PPFIBP2: variants seen among roughly 807,000 people sequenced by gnomAD.
PPFIBP2 encodes the protein PPFIB scaffold protein 2.
PPFIBP2 carries 118 observed loss-of-function variants against 118.3 expected under a neutral mutation model. The observed-to-expected ratio is 1.00, with a 90% CI of 0.86 to 1.16. The LOEUF (loss-of-function observed/expected upper bound fraction) is 1.16. PPFIBP2 is among the 50% of genes most tolerant of loss of function. The probability of loss-of-function intolerance (pLI) is 0.00; values close to 1 mark genes in which losing one functional copy is unlikely to be tolerated. For synonymous variants in PPFIBP2, 414 were observed against 397.4 expected (o/e 1.04, Z -0.50); for missense variants, 1,195 against 1,073.1 (o/e 1.11, Z -1.59).
At chr11:7,586,253 A>G (rs1331644784) in intron 3 of PPFIBP2, among the ~76,000 whole-genome samples, 2 of 152,196 alleles carry the variant, frequency 1.3e-5, no homozygotes, top group East Asian at 1.9e-4. Context: ...CTGATCAGAA[A>G]TATTGCCCCT....
intron 3 of PPFIBP2, among the ~76,000 whole-genome samples, chr11:7,584,878 CAGCT>C (rs1164902280): frequency 2.0e-5 from 3 of 152,316 alleles, no homozygotes; most frequent in Middle Eastern, 3.4e-3. Context: ...CTGTGCCTGG[CAGCT>C]ATGGTTCACT....
intron 1 of PPFIBP2, among the ~76,000 whole-genome samples, chr11:7,525,907 T>C (rs543098022): frequency 5.3e-5 from 8 of 152,222 alleles, no homozygotes; most frequent in Non-Finnish European, 1.2e-4. Flanking sequence ...CAGGAAGATA[T>C]AGGGGAATGA....
At chr11:7,609,923 G>A (rs915143014) in intron 5 of PPFIBP2, among the ~76,000 whole-genome samples, 5 of 152,116 alleles carry the variant, frequency 3.3e-5, no homozygotes, top group Admixed American at 1.3e-4. Context: ...AAAATATATT[G>A]TTAACTTAAG....
chr11:7,625,062 T>C (rs963666608), intron 7 of PPFIBP2, among the ~76,000 whole-genome samples: 14 of 152,234 alleles, frequency 9.2e-5, no homozygotes, highest in African/African-American at 3.4e-4. Flanking sequence ...ATGGGAACCA[T>C]CTAGTGCAGC....
At chr11:7,551,319 T>G (rs866061029) in intron 2 of PPFIBP2, among the ~76,000 whole-genome samples, 78 of 152,324 alleles carry the variant, frequency 5.1e-4, no homozygotes, top group African/African-American at 1.9e-3. Flanking sequence ...AGCGAGTCCC[T>G]GGCAGACCTC....
intron 1 of PPFIBP2, among the ~76,000 whole-genome samples, chr11:7,537,265 T>G (rs1851310285): frequency 6.6e-6 from 1 of 152,226 alleles, no homozygotes; most frequent in African/African-American, 2.4e-5. Flanking sequence ...AAAACAGGGC[T>G]GATAATTGTA....
intron 6 of PPFIBP2, among the ~76,000 whole-genome samples, chr11:7,615,478 CAGAGGGATGAAAAT>C (rs1848531829): frequency 6.6e-6 from 1 of 152,086 alleles, no homozygotes; most frequent in South Asian, 2.1e-4. Context: ...ACACACTGAG[CAGAGGGATGAAAAT>C]AGATGTGTTC....
intron 1 of PPFIBP2, among the ~76,000 whole-genome samples, chr11:7,522,353 G>T (rs1451768704): frequency 6.6e-6 from 1 of 152,216 alleles, no homozygotes; most frequent in African/African-American, 2.4e-5. Context: ...GAGGAACTTA[G>T]TGGAAGGGGG....
At chr11:7,601,499 A>G (rs139636433) in intron 5 of PPFIBP2, among the ~76,000 whole-genome samples, 6 of 152,184 alleles carry the variant, frequency 3.9e-5, no homozygotes, top group Non-Finnish European at 7.4e-5. Context: ...GCAGACAGCT[A>G]CAAGCATCTC....
At chr11:7,627,972 T>C (rs1850243633) in intron 8 of PPFIBP2, among the ~76,000 whole-genome samples, 1 of 152,186 alleles carries the variant, frequency 6.6e-6, no homozygotes, top group Non-Finnish European at 1.5e-5. Flanking sequence ...AGGATAAAAA[T>C]GTCTATATTC....
At chr11:7,576,893 C>T (rs1008198711) in intron 3 of PPFIBP2, 1 of 152,438 alleles carries the variant, frequency 6.6e-6, no homozygotes, top group South Asian at 2.1e-4. Flanking sequence ...AGGGCACAGC[C>T]CGTCACTCGC....
intron 2 of PPFIBP2, among the ~76,000 whole-genome samples, chr11:7,557,064 A>G (rs1853717592): frequency 1.3e-5 from 2 of 152,164 alleles, no homozygotes; most frequent in Non-Finnish European, 2.9e-5. Flanking sequence ...TTCCTGAAGA[A>G]TTGTGTTGGA....
intron 14 of PPFIBP2, among the ~76,000 whole-genome samples, chr11:7,636,411 G>C (rs950835593): frequency 6.6e-6 from 1 of 152,086 alleles, no homozygotes; most frequent in Non-Finnish European, 1.5e-5. Flanking sequence ...TCTTCAAGTG[G>C]GCAGCCATTC....
At chr11:7,584,578 A>G (rs1360562780) in intron 3 of PPFIBP2, among the ~76,000 whole-genome samples, 1 of 152,182 alleles carries the variant, frequency 6.6e-6, no homozygotes, top group African/African-American at 2.4e-5. Context: ...TTTATAATAA[A>G]TGCCAGAAAG....
At chr11:7,524,345 AAG>A (rs1350710479) in intron 1 of PPFIBP2, among the ~76,000 whole-genome samples, 1 of 152,138 alleles carries the variant, frequency 6.6e-6, no homozygotes, top group East Asian at 1.9e-4. Context: ...CTCCAAATCA[AAG>A]AGGTTTTTAC....
At chr11:7,654,374 G>A (rs998211508), downstream of PPFIBP2, among the ~76,000 whole-genome samples, 1 of 152,220 alleles carries the variant, frequency 6.6e-6, no homozygotes, top group Non-Finnish European at 1.5e-5. Flanking sequence ...CCCAGGCAGT[G>A]CTTGGCTCCC....
intron 5 of PPFIBP2, among the ~76,000 whole-genome samples, chr11:7,609,864 T>A (rs1446645443): frequency 6.6e-6 from 1 of 152,242 alleles, no homozygotes; most frequent in African/African-American, 2.4e-5. Flanking sequence ...AAAACTGGGC[T>A]GAGCATTGGT....
chr11:7,575,430 C>T (rs1316132643), intron 3 of PPFIBP2, among the ~76,000 whole-genome samples: 1 of 152,126 alleles, frequency 6.6e-6, no homozygotes, highest in African/African-American at 2.4e-5. Flanking sequence ...GCCACATTGG[C>T]CACCTTTCTC....
intron 1 of PPFIBP2, among the ~76,000 whole-genome samples, chr11:7,517,567 A>C (rs11041424): frequency 1 from 150,773 of 150,774 alleles, 75,386 homozygotes; most frequent in Non-Finnish European, 1. Flanking sequence ...CAGAGTTGGG[A>C]ATGAGACCAG....
Sources: allele counts gnomAD v4.1 joint callset (sites outside exome capture counted in the v4.1 genomes callset), GRCh38; gene constraint gnomAD v4.1.1; transcripts MANE v1.5; gene names NCBI Gene and HGNC (gene_info 2026-07-23, HGNC 2026-07-21).